DGKB: variants seen among roughly 807,000 people sequenced by gnomAD.
DGKB encodes the protein 90 kDa diacylglycerol kinase.
A neutral mutation model predicts 114.3 loss-of-function variants in DGKB; 67 were observed. The observed-to-expected ratio is 0.59, with a 90% CI of 0.48 to 0.72. The LOEUF (loss-of-function observed/expected upper bound fraction) is 0.72. Ranked by LOEUF, DGKB falls within the 30% of genes least tolerant of loss-of-function variation. The pLI is 0.00. For synonymous variants in DGKB, 398 were observed against 323.1 expected (o/e 1.23, Z -2.49); for missense variants, 907 against 975.2 (o/e 0.93, Z 0.93).
chr7:14,393,003 T>G (rs202197147), intron 21 of DGKB, among the ~76,000 whole-genome samples: 3 of 83,822 alleles, frequency 3.6e-5, no homozygotes, highest in Admixed American at 1.2e-4. Flanking sequence ...TTGTTTTTTT[T>G]TTTTTGAGAC....
At chr7:14,345,775 A>G (rs973662979) in intron 21 of DGKB, among the ~76,000 whole-genome samples, 3 of 151,724 alleles carry the variant, frequency 2.0e-5, no homozygotes, top group African/African-American at 7.2e-5. Flanking sequence ...AACTAATAAT[A>G]TAGAATAAAA....
At chr7:14,834,557 C>T (rs1846884038) in intron 2 of DGKB, among the ~76,000 whole-genome samples, 1 of 152,138 alleles carries the variant, frequency 6.6e-6, no homozygotes, top group South Asian at 2.1e-4. Context: ...CTTTCTCTCT[C>T]TGTCACAGCA....
chr7:14,388,370 A>T (rs1820771777), intron 21 of DGKB, among the ~76,000 whole-genome samples: 1 of 147,864 alleles, frequency 6.8e-6, no homozygotes, highest in African/African-American at 2.5e-5. Flanking sequence ...ATATACATAT[A>T]TTTAAGTGTA....
At chr7:14,383,736 C>T (rs1043151543) in intron 21 of DGKB, among the ~76,000 whole-genome samples, 5 of 152,186 alleles carry the variant, frequency 3.3e-5, no homozygotes, top group Admixed American at 1.3e-4. Flanking sequence ...TTTTTGCATA[C>T]GTCTCACAGG....
At chr7:14,950,883 T>A (rs1211574584) in intron 1 of DGKB, among the ~76,000 whole-genome samples, 1 of 152,056 alleles carries the variant, frequency 6.6e-6, no homozygotes, top group African/African-American at 2.4e-5. Context: ...AACAGAAAGT[T>A]GATTATACAC....
intron 23 of DGKB, among the ~76,000 whole-genome samples, chr7:14,242,724 G>A (rs568583794): frequency 3.3e-5 from 5 of 152,174 alleles, no homozygotes; most frequent in African/African-American, 1.2e-4. Flanking sequence ...TCAGAGCAAG[G>A]TCATAGTTCT....
chr7:14,640,895 T>C (rs1191490140), intron 13 of DGKB, among the ~76,000 whole-genome samples: 3 of 152,218 alleles, frequency 2.0e-5, no homozygotes, highest in African/African-American at 7.2e-5. Context: ...TGGTTAAGAA[T>C]GTCTGGTTTT....
chr7:14,214,308 T>C (rs1182308747), intron 23 of DGKB, among the ~76,000 whole-genome samples: 1 of 152,160 alleles, frequency 6.6e-6, no homozygotes, highest in African/African-American at 2.4e-5. Flanking sequence ...CTTTTAACTT[T>C]CTTGGATATG....
intron 1 of DGKB, among the ~76,000 whole-genome samples, chr7:14,918,745 T>G (rs922701203): frequency 6.6e-6 from 1 of 152,024 alleles, no homozygotes; most frequent in African/African-American, 2.4e-5. Context: ...AGCAAGTTAT[T>G]TTCAGATATT....
chr7:14,295,577 A>G (rs973868304), intron 23 of DGKB, among the ~76,000 whole-genome samples: 2 of 151,588 alleles, frequency 1.3e-5, no homozygotes, highest in African/African-American at 4.8e-5. Context: ...TTTTTTTTTT[A>G]ATAGATAGGT....
chr7:14,632,682 G>T (rs540521902), intron 13 of DGKB, among the ~76,000 whole-genome samples: 1 of 151,740 alleles, frequency 6.6e-6, no homozygotes, highest in Non-Finnish European at 1.5e-5. Flanking sequence ...TCATAGGAGT[G>T]GGTGGGAGAG....
chr7:14,328,491 C>T lies in DGKB; in HGVS notation c.2122+10024G>A, dbSNP rs772292236. 8.9e-4 allele frequency among the ~76,000 whole-genome samples: 135 copies of T among 151,918 alleles called. 1 individual carries two copies. The highest frequency in any genetic ancestry group is 3.3e-4 in the Admixed American group (5 of 15,222). ...CTGTCTTCAACTCTGAAATGAACAG[C>T]TGCTCAGGGAAATGGAATTGTTCAA... On this transcript the variant is annotated intron_variant, in intron 23 of 25. Transcript: ENST00000402815.
intron 23 of DGKB, among the ~76,000 whole-genome samples, chr7:14,298,147 T>A (rs1285593791): frequency 6.6e-6 from 1 of 152,190 alleles, no homozygotes; most frequent in African/African-American, 2.4e-5. Context: ...AATTTATGGA[T>A]TCAGTGTGAT....
At chr7:14,239,569 C>A (rs1278588800) in intron 23 of DGKB, among the ~76,000 whole-genome samples, 1 of 151,950 alleles carries the variant, frequency 6.6e-6, no homozygotes, top group African/African-American at 2.4e-5. Context: ...GTCCTCTAAT[C>A]TTTCTAGGTA....
chr7:14,814,859 C>CT (rs1227330685), intron 2 of DGKB, among the ~76,000 whole-genome samples: 3 of 152,138 alleles, frequency 2.0e-5, no homozygotes, highest in Non-Finnish European at 4.4e-5. Context: ...GAATTATGCT[C>CT]TTCTTCAGCT....
At chr7:14,169,493 G>T (rs1353283033) in intron 25 of DGKB, among the ~76,000 whole-genome samples, 1 of 152,134 alleles carries the variant, frequency 6.6e-6, no homozygotes, top group Non-Finnish European at 1.5e-5. Flanking sequence ...AAAATAGAGG[G>T]TAAGGATTTG....
chr7:14,918,540 A>C (rs922042861), intron 1 of DGKB, among the ~76,000 whole-genome samples: 4 of 152,198 alleles, frequency 2.6e-5, no homozygotes, highest in Non-Finnish European at 4.4e-5. Flanking sequence ...TCAAATTCTT[A>C]AGTATAAATT....
intron 23 of DGKB, among the ~76,000 whole-genome samples, chr7:14,227,798 G>T (rs937286129): frequency 6.6e-6 from 1 of 151,800 alleles, no homozygotes; most frequent in South Asian, 2.1e-4. Context: ...AAATGAGAGG[G>T]CACTTAAGAT....
rs149873968 is a variant in DGKB at position 14,322,304 on chromosome 7, C to A, written c.2122+16211G>T. On this transcript the variant is annotated intron_variant, in intron 23 of 25. Coordinates refer to ENST00000402815, the MANE Select transcript of DGKB (RefSeq NM_001350709.2). ...GACACTACAGAAAAAGCCTTCTGAC[C>A]CCTACTGTGGAATACAGTGTTCAGA... 5.5e-3 allele frequency among the ~76,000 whole-genome samples: 844 copies of A among 152,148 alleles called. 10 individuals are homozygous for A. Among genetic ancestry groups the A allele is most frequent in the African/African-American group, 0.019 (807 of 41,488 alleles).
Sources: allele counts gnomAD v4.1 joint callset (sites outside exome capture counted in the v4.1 genomes callset), GRCh38; gene constraint gnomAD v4.1.1; transcripts MANE v1.5; gene names NCBI Gene and HGNC (gene_info 2026-07-23, HGNC 2026-07-21).